The following TMEM234 variants were observed in gnomAD, a reference collection of about 807,000 sequenced individuals.
The protein encoded by TMEM234 is transmembrane protein 234.
Under a neutral mutation model 17.8 loss-of-function variants are expected in TMEM234, and 21 were observed. The ratio of observed to expected loss-of-function variants is 1.18; its 90% CI spans 0.84 to 1.70. The LOEUF is 1.70. Among genes scored for constraint, TMEM234 ranks in the 40% most tolerant of loss-of-function variants. The probability of loss-of-function intolerance (pLI) is 0.00; values close to 1 mark genes in which losing one functional copy is unlikely to be tolerated. For synonymous variants in TMEM234, 83 were observed against 73.5 expected (o/e 1.13, Z -0.66); for missense variants, 137 against 166.9 (o/e 0.82, Z 0.99).
At chr1:32,222,042 C>G (rs1259291803) in intron 1 of TMEM234, 24 bp from the exon 2 acceptor site, 1 of 1,586,524 alleles carries the variant, frequency 6.3e-7, no homozygotes, top group Non-Finnish European at 8.6e-7. Context: ...AGTGAGTCAC[C>G]CTGACCCCCA....
chr1:32,217,034 G>C, intron 4 of TMEM234, 87 bp from the exon 5 acceptor site: 1 of 1,594,606 alleles, frequency 6.3e-7, no homozygotes, highest in Non-Finnish European at 8.6e-7. Flanking sequence ...GCTCAGATGG[G>C]GTCTGGTCTT....
intron 3 of TMEM234, among the ~76,000 whole-genome samples, chr1:32,220,625 G>A (rs943051618): frequency 1.3e-5 from 2 of 152,184 alleles, no homozygotes; most frequent in Admixed American, 6.5e-5. Flanking sequence ...TAAATAATGT[G>A]TAAGACTAGT....
intron 3 of TMEM234, among the ~76,000 whole-genome samples, chr1:32,219,955 G>A (rs1422958849): frequency 6.6e-6 from 1 of 152,202 alleles, no homozygotes; most frequent in Admixed American, 6.5e-5. Flanking sequence ...TGAAGTGGAT[G>A]CTTCATAAAT....
downstream of TMEM234, chr1:32,215,545 T>G: frequency 6.2e-7 from 1 of 1,612,544 alleles, no homozygotes; most frequent in South Asian, 1.1e-5. Flanking sequence ...TTGGATCAGG[T>G]AAGCTGTTGG....
chr1:32,217,511 T>G, intron 3 of TMEM234, 160 bp from the exon 4 acceptor site: 1 of 1,482,826 alleles, frequency 6.7e-7, no homozygotes, highest in Non-Finnish European at 9.1e-7. Context: ...CCACATCTCC[T>G]GACTCCACGT....
At chr1:32,221,390 A>G (rs1164311570) in intron 2 of TMEM234, among the ~76,000 whole-genome samples, 193 bp from the exon 3 acceptor site, 1 of 151,630 alleles carries the variant, frequency 6.6e-6, no homozygotes, top group Non-Finnish European at 1.5e-5. Context: ...TGCTCAAACT[A>G]CCCTCTCCCT....
chr1:32,215,214 C>T (rs1228409414), downstream of TMEM234: 1 of 585,078 alleles, frequency 1.7e-6, no homozygotes, highest in Non-Finnish European at 2.9e-6. Context: ...TGAAAAGAAG[C>T]ACCTGGAAAG....
In TMEM234 at chr1:32,216,852, C is replaced by T; in HGVS notation, c.*1G>A. On this transcript the variant is annotated 3_prime_UTR_variant, in exon 5 of 5. Coordinates refer to ENST00000309777, the MANE Select transcript of TMEM234 (RefSeq NM_019118.5). Reference sequence around the variant, plus strand: ...CAGAGCTGGAAGTGGGTTCGGCCCACTCAAAGGGTAGACTGTTGCCCCTGG... The same window carrying T: ...CAGAGCTGGAAGTGGGTTCGGCCCATTCAAAGGGTAGACTGTTGCCCCTGG... 1 of 1,614,136 alleles carries T rather than the reference C, an allele frequency of 6.2e-7. No individual in the cohort carries two copies. Among genetic ancestry groups the T allele is most frequent in the South Asian group, 1.1e-5 (1 of 91,066 alleles).
At chr1:32,222,234 G>A in intron 1 of TMEM234, 73 bp downstream of exon 1, 4 of 1,524,874 alleles carry the variant, frequency 2.6e-6, no homozygotes, top group Non-Finnish European at 3.5e-6. Flanking sequence ...GGGTTAGAGG[G>A]TGGATGTGGA....
chr1:32,214,864 C>T (rs1293759971), downstream of TMEM234: 1 of 1,613,972 alleles, frequency 6.2e-7, no homozygotes, highest in East Asian at 2.2e-5. Flanking sequence ...AAGCCATCTG[C>T]TTTCTATGCC....
At chr1:32,222,179 G>C in intron 1 of TMEM234, 128 bp downstream of exon 1, 4 of 1,501,498 alleles carry the variant, frequency 2.7e-6, no homozygotes, top group South Asian at 1.3e-5. Context: ...GGAAGCTAGG[G>C]AGATGAATCC....
At chr1:32,221,288 G>T in intron 2 of TMEM234, 91 bp from the exon 3 acceptor site, 1 of 1,018,484 alleles carries the variant, frequency 9.8e-7, no homozygotes, top group South Asian at 1.4e-5. Flanking sequence ...TTCCTTGGAG[G>T]GAGGCAGGGT....
At position 32,216,458 on chromosome 1, in the gene TMEM234, C is replaced by A. The variant is rs1638394466; in HGVS notation, c.*395G>T. The A allele has an allele frequency of 6.4e-7, 1 of 1,551,636 alleles. No homozygotes were observed. Among genetic ancestry groups the A allele is most frequent in the African/African-American group, 1.4e-5 (1 of 73,074 alleles). On this transcript the variant is annotated 3_prime_UTR_variant, in exon 5 of 5. Transcript: ENST00000309777. ...TCCCAGAGGCCTCCCGTTTGCATTT[C>A]TGGCTCAAAGTCTGCAGCTGGCCCT...
chr1:32,216,538 A>G lies in TMEM234; in HGVS notation c.*315T>C, dbSNP rs533576229. On this transcript the variant is annotated 3_prime_UTR_variant, in exon 5 of 5. Coordinates refer to ENST00000309777, the MANE Select transcript of TMEM234 (RefSeq NM_019118.5). Reference sequence around the variant, plus strand: ...GGAACCTGCCACCATGATAGTCCAGATCAGGCCACAGTAATGGTGGCTGGG... The same window carrying G: ...GGAACCTGCCACCATGATAGTCCAGGTCAGGCCACAGTAATGGTGGCTGGG... 5 of 1,551,496 alleles carry G rather than the reference A, an allele frequency of 3.2e-6. No homozygotes were observed. In the African/African-American group the frequency reaches 6.8e-5, roughly 21 times the overall value.
At chr1:32,215,740 C>G (rs954402763), downstream of TMEM234, 4 of 1,362,924 alleles carry the variant, frequency 2.9e-6, no homozygotes, top group African/African-American at 5.9e-5. Context: ...GACCTCCTGG[C>G]TGAGAGCTGG....
downstream of TMEM234, chr1:32,214,608 C>T: frequency 2.7e-6 from 2 of 733,154 alleles, no homozygotes; most frequent in Middle Eastern, 3.2e-4. Context: ...GCATCTACTG[C>T]TCTGTCCCTG....
downstream of TMEM234, chr1:32,215,104 T>G: frequency 1.1e-6 from 1 of 916,342 alleles, no homozygotes; most frequent in Non-Finnish European, 1.6e-6. Flanking sequence ...CTCAGGAGAC[T>G]GCCCGTAAAA....
At chr1:32,215,208 A>G, downstream of TMEM234, 1 of 587,988 alleles carries the variant, frequency 1.7e-6, no homozygotes, top group South Asian at 2.5e-5. Flanking sequence ...ATCACATGAA[A>G]AGAAGCACCT....
chr1:32,217,528 C>A, intron 3 of TMEM234, 177 bp from the exon 4 acceptor site: 1 of 1,419,434 alleles, frequency 7.0e-7, no homozygotes, highest in Non-Finnish European at 9.6e-7. Flanking sequence ...ACGTTCAGTG[C>A]TTCCCAGGAT....
Sources: gnomAD v4.1 joint callset for allele counts (sites outside exome capture counted in the v4.1 genomes callset) on GRCh38, gnomAD v4.1.1 for gene constraint, MANE v1.5 for transcripts, NCBI Gene and HGNC (gene_info 2026-07-23, HGNC 2026-07-21) for gene names.